Variants in SH3RF3 observed in about 807,000 individuals in gnomAD.
SH3RF3 encodes SH3 domain containing ring finger 3.
Under a neutral mutation model 66.3 loss-of-function variants are expected in SH3RF3, and 29 were observed. The ratio of observed to expected loss-of-function variants is 0.44; its 90% CI spans 0.33 to 0.60. The LOEUF (loss-of-function observed/expected upper bound fraction) is 0.60. SH3RF3 is among the 20% of genes least tolerant of loss of function. The probability of loss-of-function intolerance (pLI) is 0.04; values close to 1 mark genes in which losing one functional copy is unlikely to be tolerated. For synonymous variants in SH3RF3, 583 were observed against 532.0 expected (o/e 1.10, Z -1.32); for missense variants, 1,194 against 1,190.9 (o/e 1.00, Z -0.04).
chr2:109,393,674 C>T (rs1392593228), intron 3 of SH3RF3, among the ~76,000 whole-genome samples: 1 of 152,020 alleles, frequency 6.6e-6, no homozygotes, highest in African/African-American at 2.4e-5. Flanking sequence ...AGGACACATT[C>T]CCTCCCTTGT....
chr2:109,457,637 G>A (rs13416499), intron 8 of SH3RF3, among the ~76,000 whole-genome samples: 2,464 of 152,308 alleles, frequency 0.016, 64 homozygotes, highest in African/African-American at 0.056. Flanking sequence ...CGGGAGCCCC[G>A]GCACAACTCA....
chr2:109,410,926 G>A (rs1035074036), intron 4 of SH3RF3, among the ~76,000 whole-genome samples: 1 of 152,148 alleles, frequency 6.6e-6, no homozygotes, highest in Non-Finnish European at 1.5e-5. Flanking sequence ...TTACTCAAAG[G>A]CACCTGGAGC....
chr2:109,399,068 G>A lies in SH3RF3; in HGVS notation c.1299+125G>A, dbSNP rs1676235206. On this transcript the variant is annotated intron_variant, in intron 4 of 9. Coordinates refer to ENST00000309415, the MANE Select transcript of SH3RF3 (RefSeq NM_001099289.3). ...CGCCCCAGAACTGCCTTTTGGGGTT[G>A]AGTGGGGTTTGCCCTTTGCTGCCTG... 4 of 1,149,674 alleles carry A rather than the reference G, an allele frequency of 3.5e-6. No individual in the cohort carries two copies. The Admixed American group carries it at 7.2e-5, about 21-fold the overall frequency. 71.2% of individuals were successfully genotyped at this position (1,149,674 alleles called of 1,614,324 possible). A position where few individuals can be genotyped will look rare whatever the true frequency, so the allele number is the denominator to read the frequency against.
Position 109,129,884 on chromosome 2 carries a change from T to A in SH3RF3, c.344T>A (p.Val115Glu), listed in dbSNP as rs1382625967. 6.6e-7 allele frequency: 1 copy of A among 1,520,590 alleles called. No individual in the cohort carries two copies. Among genetic ancestry groups the A allele is most frequent in the Non-Finnish European group, 8.8e-7 (1 of 1,139,700 alleles). 94.2% of individuals were successfully genotyped at this position (1,520,590 alleles called of 1,614,324 possible). A position where few individuals can be genotyped will look rare whatever the true frequency, so the allele number is the denominator to read the frequency against. ...VDELPANILL[V>E]RLLDGIRQRP... is the part of the protein sequence containing the mutation. ...GAACTGCCCGCCAACATCTTGCTGG[T>A]GCGACTGCTGGACGGCATCCGTCAG... Residue 115 changes from valine to glutamate, a missense_variant, in exon 1 of 10, where the codon GTG (valine) becomes GAG (glutamate). By Grantham distance (121) the Val-to-Glu change is moderately radical. Transcript: ENST00000309415.
chr2:109,234,311 T>C (rs1679591675), intron 1 of SH3RF3, among the ~76,000 whole-genome samples: 1 of 152,238 alleles, frequency 6.6e-6, no homozygotes, highest in Non-Finnish European at 1.5e-5. Context: ...AGGAAAACTT[T>C]AGGTTAGATG....
Position 109,305,840 on chromosome 2 carries a change from G to A in SH3RF3, c.574-41834G>A, listed in dbSNP as rs547334157. Among the ~76,000 whole-genome samples, 52 of 152,364 alleles carry A rather than the reference G, an allele frequency of 3.4e-4. 1 individual carries two copies. Among genetic ancestry groups the A allele is most frequent in the African/African-American group, 1.2e-3 (48 of 41,590 alleles). On this transcript the variant is annotated intron_variant, in intron 1 of 9. Transcript: ENST00000309415. The stretch of plus-strand genomic sequence containing the variant: ...GCTCGGCATCTCTCACTGAGAAAGA[G>A]CAGGTGACAGAGAAGAAAGCAATCC...
At chr2:109,470,287 G>A (rs181046023) in intron 8 of SH3RF3, among the ~76,000 whole-genome samples, 1 of 152,296 alleles carries the variant, frequency 6.6e-6, no homozygotes, top group Admixed American at 6.5e-5. Context: ...GCACCCAGCA[G>A]CTCTAGCCAC....
At chr2:109,416,489 A>G (rs1407205887) in intron 4 of SH3RF3, among the ~76,000 whole-genome samples, 2 of 152,152 alleles carry the variant, frequency 1.3e-5, no homozygotes, top group South Asian at 2.1e-4. Context: ...GGTTCAAGCA[A>G]TTTTCCTGCC....
chr2:109,483,235 CAAAA>C (rs1281677638), intron 8 of SH3RF3, among the ~76,000 whole-genome samples: 1 of 152,188 alleles, frequency 6.6e-6, no homozygotes, highest in Middle Eastern at 3.2e-3. Flanking sequence ...AAATAATAAT[CAAAA>C]AACTTCCAAG....
chr2:109,395,049 G>A (rs6716110), intron 3 of SH3RF3, among the ~76,000 whole-genome samples: 10,507 of 152,266 alleles, frequency 0.069, 1,175 homozygotes, highest in African/African-American at 0.23. Flanking sequence ...GCTTTATGAC[G>A]TGACTAATTG....
chr2:109,213,999 G>A (rs1287846895), intron 1 of SH3RF3, among the ~76,000 whole-genome samples: 1 of 152,206 alleles, frequency 6.6e-6, no homozygotes, highest in Admixed American at 6.5e-5. Flanking sequence ...TGGACGTGGC[G>A]GGCAGGGGAG....
Position 109,398,862 on chromosome 2 carries a change from A to G in SH3RF3, c.1218A>G (p.Pro406=). Residue 406 remains proline (P), a synonymous_variant, in exon 4 of 10, where the codon CCA becomes CCG. Coordinates refer to ENST00000309415, the MANE Select transcript of SH3RF3 (RefSeq NM_001099289.3). ...SHRHSMEISA[P]VLISSSDPRA... is the part of the protein sequence containing the mutation. ...GGCATTCCATGGAAATTAGTGCTCCAGTGTTGATCAGCTCCAGCGATCCCC... is the reference window on the plus strand; with the variant it reads ...GGCATTCCATGGAAATTAGTGCTCCGGTGTTGATCAGCTCCAGCGATCCCC... The G allele has an allele frequency of 6.2e-7, 1 of 1,613,924 alleles. No homozygotes were observed. Among genetic ancestry groups the G allele is most frequent in the South Asian group, 1.1e-5 (1 of 91,064 alleles).
chr2:109,428,770 G>A (rs900262354), intron 5 of SH3RF3, among the ~76,000 whole-genome samples: 12 of 152,192 alleles, frequency 7.9e-5, no homozygotes, highest in Non-Finnish European at 1.2e-4. Context: ...GGCTGGTCTC[G>A]AGTGTTATGG....
intron 1 of SH3RF3, among the ~76,000 whole-genome samples, chr2:109,224,862 A>C (rs1043769840): frequency 6.6e-6 from 1 of 152,142 alleles, no homozygotes; most frequent in African/African-American, 2.4e-5. Context: ...GTCTCAAAAA[A>C]ATTTTTTTTC....
rs756244787 is a variant in SH3RF3, at chr2:109,314,479, C to T, written c.574-33195C>T. 7.2e-5 allele frequency among the ~76,000 whole-genome samples: 11 copies of T among 152,122 alleles called. No individual in the cohort carries two copies. In the East Asian group the frequency reaches 7.7e-4, roughly 11 times the overall value. On this transcript the variant is annotated intron_variant, in intron 1 of 9. Transcript: ENST00000309415. ...CTGGGGAAAGCAGGTCAGCCTGAAA[C>T]GGCATGACCTTTGATGTCACCTCCG...
In SH3RF3 at chr2:109,503,412, T is replaced by C. The variant is rs531544771; in HGVS notation, c.*1741T>C. 6.6e-6 allele frequency: 1 copy of C among 152,242 alleles called. No individual in the cohort carries two copies. The highest frequency in any genetic ancestry group is 2.4e-5 in the African/African-American group (1 of 41,538). 9.4% of individuals were successfully genotyped at this position (152,242 alleles called of 1,614,324 possible). On this transcript the variant is annotated 3_prime_UTR_variant, in exon 10 of 10. Transcript: ENST00000309415. ...GACTTGGCTACTTGTTACTTCCAGGTGGTCACCACACGGCGGGGGTCATGC... is the reference window on the plus strand; with the variant it reads ...GACTTGGCTACTTGTTACTTCCAGGCGGTCACCACACGGCGGGGGTCATGC...
intron 2 of SH3RF3, among the ~76,000 whole-genome samples, chr2:109,349,627 C>T (rs1682796736): frequency 6.6e-6 from 1 of 152,214 alleles, no homozygotes; most frequent in Non-Finnish European, 1.5e-5. Flanking sequence ...CATAATGGCT[C>T]TAGGCTTCTC....
At chr2:109,234,781 C>A (rs972274424) in intron 1 of SH3RF3, among the ~76,000 whole-genome samples, 13 of 152,206 alleles carry the variant, frequency 8.5e-5, no homozygotes, top group African/African-American at 2.4e-4. Context: ...CAAATTACAT[C>A]TTCACACCTG....
intron 1 of SH3RF3, among the ~76,000 whole-genome samples, chr2:109,198,768 T>G (rs1678567400): frequency 6.6e-6 from 1 of 152,196 alleles, no homozygotes; most frequent in Non-Finnish European, 1.5e-5. Context: ...CCTCACCTCC[T>G]GATACCAAAC....
Sources: allele counts gnomAD v4.1 joint callset (sites outside exome capture counted in the v4.1 genomes callset), GRCh38; gene constraint gnomAD v4.1.1; transcripts MANE v1.5; gene names NCBI Gene and HGNC (gene_info 2026-07-23, HGNC 2026-07-21).